EML4: variants seen among roughly 807,000 people sequenced by gnomAD.
EML4 encodes the protein EMAP like 4, also known as echinoderm microtubule-associated protein-like 4.
Under a neutral mutation model 129.0 loss-of-function variants are expected in EML4, and 72 were observed. The ratio of observed to expected loss-of-function variants is 0.56; its 90% CI spans 0.46 to 0.68. The LOEUF (loss-of-function observed/expected upper bound fraction) is 0.68. Among genes scored for constraint, EML4 ranks in the 30% least tolerant of loss-of-function variants. The pLI is 0.00. For synonymous variants in EML4, 532 were observed against 405.0 expected (o/e 1.31, Z -3.77); for missense variants, 1,363 against 1,190.6 (o/e 1.14, Z -2.13).
At chr2:42,176,599 A>G (rs547192532) in intron 1 of EML4, among the ~76,000 whole-genome samples, 1 of 152,226 alleles carries the variant, frequency 6.6e-6, no homozygotes, top group Admixed American at 6.5e-5. Context: ...CTCAACTCAA[A>G]TATTATTTCC....
chr2:42,326,483 A>T (rs1666577968), intron 21 of EML4, among the ~76,000 whole-genome samples: 1 of 152,240 alleles, frequency 6.6e-6, no homozygotes, highest in Non-Finnish European at 1.5e-5. Context: ...TTTACATAGT[A>T]GTACAGATTA....
chr2:42,243,537 T>A (rs943602544), intron 1 of EML4, among the ~76,000 whole-genome samples: 9 of 152,170 alleles, frequency 5.9e-5, no homozygotes, highest in African/African-American at 2.2e-4. Context: ...CAATCCTATT[T>A]AAAGGTGAAG....
At chr2:42,206,147 T>C (rs771636412) in intron 1 of EML4, among the ~76,000 whole-genome samples, 14 of 152,238 alleles carry the variant, frequency 9.2e-5, no homozygotes, top group Non-Finnish European at 1.8e-4. Context: ...TTCACAAATT[T>C]GTTCCATATA....
At chr2:42,216,510 G>A (rs1673203415) in intron 1 of EML4, among the ~76,000 whole-genome samples, 1 of 151,832 alleles carries the variant, frequency 6.6e-6, no homozygotes, top group Non-Finnish European at 1.5e-5. Context: ...CAAAGTGCTG[G>A]GATTACTGGC....
rs368002231 is a variant in EML4 at position 42,304,424 on chromosome 2, A to G, written c.1900-60A>G. 1.4e-4 allele frequency: 181 copies of G among 1,301,096 alleles called. No homozygotes were observed. The African/African-American group carries it at 2.0e-3, about 14-fold the overall frequency. 80.6% of individuals were successfully genotyped at this position (1,301,096 alleles called of 1,614,324 possible). A position where few individuals can be genotyped will look rare whatever the true frequency, so the allele number is the denominator to read the frequency against. On this transcript the variant is annotated intron_variant, in intron 16 of 22. Transcript: ENST00000318522. ...CAGGTTATTTTCAGAAGTTTTTGCT[A>G]CTGTCCCCATAGGGAGACTTTCTCA...
intron 1 of EML4, among the ~76,000 whole-genome samples, chr2:42,196,822 G>C (rs1424579574): frequency 6.6e-6 from 1 of 152,196 alleles, no homozygotes; most frequent in East Asian, 1.9e-4. Context: ...GACTGGGAGA[G>C]TTTTCTGTAA....
At chr2:42,213,119 ACTT>A (rs1672976208) in intron 1 of EML4, among the ~76,000 whole-genome samples, 1 of 152,194 alleles carries the variant, frequency 6.6e-6, no homozygotes, top group East Asian at 1.9e-4. Context: ...CTTTGCCCCC[ACTT>A]CTTAAAAATG....
Position 42,261,213 on chromosome 2 carries a change from C to A in EML4, c.431C>A (p.Ser144Ter), listed in dbSNP as rs1460806553. Residue 144 changes from serine (S) to a stop codon, truncating the protein, a stop_gained, in exon 4 of 23, where the codon TCA becomes TAA. Coordinates refer to ENST00000318522, the MANE Select transcript of EML4 (RefSeq NM_019063.5). LOFTEE classifies it high-confidence loss of function. Reference protein sequence around the residue: ...SNDQSPQIRASPSPQPSSQPL... With the variant: ...SNDQSPQIRA ...GATCAAAGTCCACAAATTCGAGCAT[C>A]ACCTTCTCCCCAGCCCTCTTCACAA... 1 of 1,613,846 alleles carries A rather than the reference C, an allele frequency of 6.2e-7. No homozygotes were observed. The highest frequency in any genetic ancestry group is 8.5e-7 in the Non-Finnish European group (1 of 1,179,946).
intron 3 of EML4, among the ~76,000 whole-genome samples, chr2:42,259,264 A>G (rs10206051): frequency 2.7e-5 from 4 of 149,808 alleles, no homozygotes; most frequent in African/African-American, 9.8e-5. Context: ...AAACAGGGGG[A>G]GGGGGGCGGC....
At position 42,303,203 on chromosome 2, in the gene EML4, A is replaced by C. The variant is rs767938883; in HGVS notation, c.1741A>C (p.Asn581His). Reference protein sequence around the residue: ...SRNFILRGTFNDGFQIEVQGH... With the variant: ...SRNFILRGTFHDGFQIEVQGH... ...AAACTTTATTTTACGAGGAACATTTAATGATGGCTTCCAAATAGAAGTACA... is the reference window on the plus strand; with the variant it reads ...AAACTTTATTTTACGAGGAACATTTCATGATGGCTTCCAAATAGAAGTACA... The change falls in exon 15 of 23, where the codon AAT becomes CAT. Residue 581 changes from asparagine (N) to histidine (H), a missense_variant. Transcript: ENST00000318522. The C allele has an allele frequency of 1.2e-5, 19 of 1,614,066 alleles. No individual in the cohort carries two copies. In the Admixed American group the frequency reaches 2.2e-4, roughly 18 times the overall value.
At chr2:42,217,451 G>T (rs1378387211) in intron 1 of EML4, among the ~76,000 whole-genome samples, 1 of 152,028 alleles carries the variant, frequency 6.6e-6, no homozygotes, top group Non-Finnish European at 1.5e-5. Flanking sequence ...TACATTTCTT[G>T]TTTGGCCCTC....
rs376838322 is a variant in EML4, at chr2:42,263,239, C to A, written c.574C>A (p.Arg192Ser). 1 of 1,612,752 alleles carries A rather than the reference C, an allele frequency of 6.2e-7. No individual in the cohort carries two copies. Among genetic ancestry groups the A allele is most frequent in the Non-Finnish European group, 8.5e-7 (1 of 1,179,324 alleles). The change falls in exon 5 of 23, where the codon CGT (arginine) becomes AGT (serine). Residue 192 changes from arginine to serine, a missense_variant. Transcript: ENST00000318522. ...TTCTTGGGAAAATTCAGATGATAGC[C>A]GTAATAAATTGTCGAAAATACCTTC... is the stretch of plus-strand genomic sequence containing the variant. Reference protein sequence around the residue: ...HNSWENSDDSRNKLSKIPSTP... With the variant: ...HNSWENSDDSSNKLSKIPSTP...
intron 1 of EML4, among the ~76,000 whole-genome samples, chr2:42,191,417 C>G (rs1671573668): frequency 6.6e-6 from 1 of 152,102 alleles, no homozygotes; most frequent in Admixed American, 6.5e-5. Context: ...TTGAGAAATT[C>G]TAAGGCAGGA....
chr2:42,303,649 G>A (rs1668426949), intron 16 of EML4, among the ~76,000 whole-genome samples: 1 of 152,238 alleles, frequency 6.6e-6, no homozygotes, highest in Admixed American at 6.5e-5. Flanking sequence ...AGTTAGGCCG[G>A]GCAAGGTGGC....
At chr2:42,287,290 C>T (rs1427547379) in intron 10 of EML4, among the ~76,000 whole-genome samples, 3 of 152,120 alleles carry the variant, frequency 2.0e-5, no homozygotes, top group Non-Finnish European at 4.4e-5. Context: ...GGGAGAAGGA[C>T]ATTTAGAAAA....
intron 4 of EML4, among the ~76,000 whole-genome samples, chr2:42,262,906 A>C (rs1665824160): frequency 6.6e-6 from 1 of 152,122 alleles, no homozygotes; most frequent in Non-Finnish European, 1.5e-5. Flanking sequence ...TAAGGAAATA[A>C]TTTTTTTCTG....
At chr2:42,222,333 G>C (rs1013974403) in intron 1 of EML4, among the ~76,000 whole-genome samples, 1 of 152,032 alleles carries the variant, frequency 6.6e-6, no homozygotes, top group Non-Finnish European at 1.5e-5. Flanking sequence ...AAAATTCACT[G>C]TTTTGTATCC....
At chr2:42,175,980 T>C (rs1294270989) in intron 1 of EML4, among the ~76,000 whole-genome samples, 1 of 152,176 alleles carries the variant, frequency 6.6e-6, no homozygotes, top group Non-Finnish European at 1.5e-5. Context: ...TTCTGTTTTT[T>C]TCGTTGGATC....
At chr2:42,196,696 A>AT (rs2103935434) in intron 1 of EML4, among the ~76,000 whole-genome samples, 1 of 152,302 alleles carries the variant, frequency 6.6e-6, no homozygotes, top group South Asian at 2.1e-4. Context: ...CAGTAACGTA[A>AT]TTTCCTTCTT....
Sources: gnomAD v4.1 joint callset for allele counts (sites outside exome capture counted in the v4.1 genomes callset) on GRCh38, gnomAD v4.1.1 for gene constraint, MANE v1.5 for transcripts, NCBI Gene and HGNC (gene_info 2026-07-23, HGNC 2026-07-21) for gene names.